C19orf38: variants seen among roughly 807,000 people sequenced by gnomAD.
The protein encoded by C19orf38 is chromosome 19 open reading frame 38.
Under a neutral mutation model 26.6 loss-of-function variants are expected in C19orf38, and 14 were observed. The ratio of observed to expected loss-of-function variants is 0.53; its 90% confidence interval spans 0.35 to 0.82. The LOEUF is 0.82. Among genes scored for constraint, C19orf38 ranks in the 40% least tolerant of loss-of-function variants. The probability of loss-of-function intolerance (pLI) is 0.01; values close to 1 mark genes in which losing one functional copy is unlikely to be tolerated. For synonymous variants in C19orf38, 132 were observed against 128.5 expected (o/e 1.03, Z -0.18); for missense variants, 261 against 299.5 (o/e 0.87, Z 0.95).
intron 1 of C19orf38, among the ~76,000 whole-genome samples, chr19:10,837,670 G>A (rs1936762231): frequency 6.6e-6 from 1 of 151,360 alleles, no homozygotes; most frequent in Non-Finnish European, 1.5e-5. Context: ...ACCACACCTG[G>A]CTAATTTTTT....
In C19orf38 at chr19:10,838,023, C is replaced by T. The variant is rs1335762200; in HGVS notation, c.-69+1253C>T. Among the ~76,000 whole-genome samples, 12 of 152,256 alleles carry T rather than the reference C, an allele frequency of 7.9e-5. 1 individual carries two copies. The highest frequency in any genetic ancestry group is 2.1e-4 in the South Asian group (1 of 4,826). ...CCCAGGCTGGTTTCAAACTCCTGGG[C>T]TCAAGCCATCTGCCTGCTCCCTCAC... is the stretch of plus-strand genomic sequence containing the variant. On this transcript the variant is annotated intron_variant, in intron 1 of 7. Coordinates refer to the C19orf38 transcript ENST00000592854.
In C19orf38 at chr19:10,850,513, C is replaced by G. The variant is rs1485497715; in HGVS notation, c.286C>G (p.Leu96Val). 4 of 1,551,668 alleles carry G rather than the reference C, an allele frequency of 2.6e-6. No homozygotes were observed. The Admixed American group carries it at 5.9e-5, about 23-fold the overall frequency. Residue 96 changes from leucine to valine, a missense_variant, in exon 2 of 7, where the codon CTC becomes GTC. Physicochemically the swap from Leu to Val is conservative, Grantham distance 32. Coordinates refer to ENST00000397820, the MANE Select transcript of C19orf38 (RefSeq NM_001136482.3). ...FHCQYGVLGELNQSQLSDLSE... is the reference protein window; with the variant it reads ...FHCQYGVLGEVNQSQLSDLSE... ...CTGCCAGTATGGAGTGTTAGGTGAG[C>G]TCAACCAGTCCCAGCTGTCAGACCT...
In C19orf38 at chr19:10,848,420, T is replaced by G. The variant is rs957207553; in HGVS notation, c.-89T>G. The G allele has an allele frequency of 2.1e-6, 3 of 1,406,564 alleles. No homozygotes were observed. Among genetic ancestry groups the G allele is most frequent in the Non-Finnish European group, 2.9e-6 (3 of 1,017,126 alleles). The allele number at this position is 1,406,564 out of a possible 1,614,324, so 87.1% of individuals were successfully genotyped here. A position where few individuals can be genotyped will look rare whatever the true frequency, so the allele number is the denominator to read the frequency against. The stretch of plus-strand genomic sequence containing the variant: ...CTCGAGAATCAGCCCTGGTTCTCCT[T>G]TCCCCGATCTGGCCTCACAGGAGGA... On this transcript the variant is annotated 5_prime_UTR_variant, in exon 1 of 7. Transcript: ENST00000397820.
Position 10,848,430 on chromosome 19 carries a change from T to A in C19orf38, c.-79T>A. ...AGCCCTGGTTCTCCTTTCCCCGATC[T>A]GGCCTCACAGGAGGAGTTGGCGGGG... On this transcript the variant is annotated 5_prime_UTR_variant, in exon 1 of 7. Transcript: ENST00000397820. 1 of 1,453,772 alleles carries A rather than the reference T, an allele frequency of 6.9e-7. No individual in the cohort carries two copies. Among genetic ancestry groups the A allele is most frequent in the Non-Finnish European group, 9.4e-7 (1 of 1,059,006 alleles). The allele number at this position is 1,453,772 out of a possible 1,614,324, so 90.1% of individuals were successfully genotyped here.
chr19:10,869,434 T>G lies in C19orf38; in HGVS notation c.*67T>G. 2 of 1,470,476 alleles carry G rather than the reference T, an allele frequency of 1.4e-6. No individual in the cohort carries two copies. Among genetic ancestry groups the G allele is most frequent in the Non-Finnish European group, 9.0e-7 (1 of 1,109,008 alleles). The allele number at this position is 1,470,476 out of a possible 1,614,324, so 91.1% of individuals were successfully genotyped here. On this transcript the variant is annotated 3_prime_UTR_variant, in exon 7 of 7. Transcript: ENST00000397820. ...GGCCTGAGGTCCCTCCAGCTACTTC[T>G]GGGGGGGCTCTGTCAGCCACTTTCT...
chr19:10,863,794 T>A (rs888722787), intron 6 of C19orf38, among the ~76,000 whole-genome samples: 6 of 152,024 alleles, frequency 3.9e-5, no homozygotes, highest in African/African-American at 1.4e-4. Flanking sequence ...ATGCTTGTAA[T>A]CTCAGCTACT....
chr19:10,849,777 C>G (rs960623126), intron 1 of C19orf38, among the ~76,000 whole-genome samples: 1 of 151,952 alleles, frequency 6.6e-6, no homozygotes, highest in African/African-American at 2.4e-5. Flanking sequence ...TTATTGAAAA[C>G]TGATGGCCAG....
chr19:10,842,367 TCTC>T (rs2073484433), intron 1 of C19orf38: 2 of 542,772 alleles, frequency 3.7e-6, no homozygotes, highest in Non-Finnish European at 3.3e-6. Flanking sequence ...TTCACACCAT[TCTC>T]CTGCCTCAGC....
chr19:10,858,596 A>T (rs1203188552), intron 4 of C19orf38, among the ~76,000 whole-genome samples: 1 of 152,148 alleles, frequency 6.6e-6, no homozygotes. Context: ...TACAGAAGAG[A>T]GGACTGAGGC....
intron 6 of C19orf38, among the ~76,000 whole-genome samples, chr19:10,865,824 T>A (rs1244606501): frequency 6.6e-6 from 1 of 151,874 alleles, no homozygotes; most frequent in South Asian, 2.1e-4. Flanking sequence ...CCCGCCAATT[T>A]TTTTTTGAGA....
chr19:10,869,228 CAGA>C lies in C19orf38; in HGVS notation c.561_563del (p.Glu187del), dbSNP rs754363930. 2.3e-5 allele frequency: 36 copies of C among 1,551,648 alleles called. No homozygotes were observed. Among genetic ancestry groups the C allele is most frequent in the Non-Finnish European group, 2.8e-5 (32 of 1,146,974 alleles). On this transcript the variant is annotated inframe_deletion, in exon 7 of 7. Transcript: ENST00000397820. ...CTTACATGGACAAAGAAAACGATGC[CAGA>C]AGAAGACCCGGCCACCTTGGATGAT... is the stretch of plus-strand genomic sequence containing the variant.
At chr19:10,848,585 A>G (rs2073537924) in intron 1 of C19orf38, 46 bp downstream of exon 1, 4 of 1,218,090 alleles carry the variant, frequency 3.3e-6, no homozygotes, top group Non-Finnish European at 4.3e-6. Context: ...CTTTCCCCCC[A>G]TCCTCTGTCC....
chr19:10,860,005 T>C (rs1231719323), intron 5 of C19orf38, 47 bp downstream of exon 5: 20 of 1,515,950 alleles, frequency 1.3e-5, no homozygotes, highest in Middle Eastern at 1.7e-4. Flanking sequence ...GGATTACACC[T>C]CCAAATGCCA....
chr19:10,858,246 A>AC, intron 3 of C19orf38, 70 bp from the exon 4 acceptor site: 3 of 1,254,816 alleles, frequency 2.4e-6, no homozygotes, highest in South Asian at 3.2e-5. Context: ...AAAAAAAAAA[A>AC]AAAAAACAGA....
At chr19:10,852,814 G>C (rs551668214) in intron 2 of C19orf38, among the ~76,000 whole-genome samples, 8 of 152,190 alleles carry the variant, frequency 5.3e-5, no homozygotes, top group Admixed American at 2.6e-4. Context: ...CCCTGGCAGG[G>C]CTGATGTCCT....
At chr19:10,852,470 C>T (rs2073582709) in intron 2 of C19orf38, among the ~76,000 whole-genome samples, 1 of 152,168 alleles carries the variant, frequency 6.6e-6, no homozygotes, top group African/African-American at 2.4e-5. Flanking sequence ...GGCGACTGGC[C>T]CCATGTTCTA....
Position 10,850,455 on chromosome 19 carries a change from C to T in C19orf38, c.228C>T (p.Gly76=), listed in dbSNP as rs996970135. 10 of 1,551,320 alleles carry T rather than the reference C, an allele frequency of 6.4e-6. No individual in the cohort carries two copies. In the African/African-American group the frequency reaches 8.2e-5, roughly 13 times the overall value. The change falls in exon 2 of 7, where the codon GGC becomes GGT. Residue 76 remains glycine, a synonymous_variant. Transcript: ENST00000397820. ...DQRGVTFNLS[G]GSSKAPGGPF... Reference sequence around the variant, plus strand: ...GCGGGGTGACATTTAACCTGAGCGGCGGCAGCAGCAAGGCTCCAGGGGGAC... The same window carrying T: ...GCGGGGTGACATTTAACCTGAGCGGTGGCAGCAGCAAGGCTCCAGGGGGAC...
intron 4 of C19orf38, among the ~76,000 whole-genome samples, chr19:10,859,328 GTA>G (rs1443029300): frequency 1.6e-3 from 189 of 115,754 alleles, no homozygotes; most frequent in Non-Finnish European, 2.3e-3. Context: ...GTGTGTGTAT[GTA>G]TGTGTGTGTG....
intron 6 of C19orf38, among the ~76,000 whole-genome samples, chr19:10,867,598 CAA>C (rs1384044347): frequency 7.8e-6 from 1 of 128,042 alleles, no homozygotes; most frequent in Non-Finnish European, 1.6e-5. Context: ...GCCTGGGCAA[CAA>C]GAGCGAAACT....
Sources: gnomAD v4.1 joint callset for allele counts (sites outside exome capture counted in the v4.1 genomes callset) on GRCh38, gnomAD v4.1.1 for gene constraint, MANE v1.5 for transcripts, NCBI Gene and HGNC (gene_info 2026-07-23, HGNC 2026-07-21) for gene names.